The following FUT9 variants were observed in gnomAD, a reference collection of about 807,000 sequenced individuals.
The protein encoded by FUT9 is fucosyltransferase 9, also known as 4-galactosyl-N-acetylglucosaminide 3-alpha-L-fucosyltransferase 9.
FUT9 carries 15 observed loss-of-function variants against 29.7 expected under a neutral mutation model. The observed-to-expected ratio is 0.51, with a 90% CI of 0.34 to 0.78. The LOEUF (loss-of-function observed/expected upper bound fraction) is 0.78, where lower values mean the gene tolerates loss of function less well. Ranked by LOEUF, FUT9 falls within the 30% of genes least tolerant of loss-of-function variation. FUT9 has a pLI of 0.01. For synonymous variants in FUT9, 169 were observed against 153.7 expected, an observed-to-expected ratio of 1.10 and a Z score of -0.74; for missense variants, 319 against 425.4, an observed-to-expected ratio of 0.75 and a Z score of 2.20.
At chr6:96,071,123 TG>T (rs1771051464) in intron 1 of FUT9, among the ~76,000 whole-genome samples, 1 of 152,234 alleles carries the variant, frequency 6.6e-6, no homozygotes, top group African/African-American at 2.4e-5. Context: ...TTGCATTTTA[TG>T]AACAAATTGA....
chr6:96,027,913 A>T (rs1770194614), intron 1 of FUT9, among the ~76,000 whole-genome samples: 1 of 151,474 alleles, frequency 6.6e-6, no homozygotes, highest in Non-Finnish European at 1.5e-5. Context: ...GGTTTTTGTA[A>T]TTTTTTTGTC....
At chr6:96,091,986 C>T (rs912780007) in intron 1 of FUT9, among the ~76,000 whole-genome samples, 1 of 152,042 alleles carries the variant, frequency 6.6e-6, no homozygotes, top group African/African-American at 2.4e-5. Context: ...TTTTAGTATA[C>T]TACTATCAAC....
At chr6:96,085,371 G>T (rs72927948) in intron 1 of FUT9, among the ~76,000 whole-genome samples, 6,446 of 152,228 alleles carry the variant, frequency 0.042, 195 homozygotes, top group South Asian at 0.12. Context: ...TTCTAACTGC[G>T]TCCTTGCATG....
rs892352624 is a variant in FUT9 at position 96,182,942 on chromosome 6, T to G, written c.-8-20206T>G. Among the ~76,000 whole-genome samples the G allele has an allele frequency of 2.0e-5, 3 of 152,192 alleles. No homozygotes were observed. The South Asian group carries it at 6.2e-4, about 32-fold the overall frequency. ...ATGCAGACTCTTTTTTGGATTCATA[T>G]GAATTTTAGGATTTTTTTTCTAGTT... On this transcript the variant is annotated intron_variant, in intron 2 of 2. Transcript: ENST00000302103.
chr6:96,100,734 T>C (rs1453976811), intron 1 of FUT9, among the ~76,000 whole-genome samples: 2 of 152,210 alleles, frequency 1.3e-5, no homozygotes, highest in Non-Finnish European at 2.9e-5. Flanking sequence ...TGTCAGGTAG[T>C]GAGGTACTAC....
chr6:96,095,610 C>T (rs1231929468), intron 1 of FUT9, among the ~76,000 whole-genome samples: 2 of 152,138 alleles, frequency 1.3e-5, no homozygotes, highest in Non-Finnish European at 2.9e-5. Flanking sequence ...TTCTGGTTTG[C>T]TTTGTACATC....
chr6:96,051,303 C>G (rs1020948751), intron 1 of FUT9, among the ~76,000 whole-genome samples: 2 of 151,882 alleles, frequency 1.3e-5, no homozygotes, highest in African/African-American at 4.8e-5. Context: ...TTTTTAAAAA[C>G]TTGATTCTTG....
intron 2 of FUT9, among the ~76,000 whole-genome samples, chr6:96,190,040 G>A (rs1773476709): frequency 6.6e-6 from 1 of 152,096 alleles, no homozygotes; most frequent in Non-Finnish European, 1.5e-5. Flanking sequence ...TGCAGTGGTT[G>A]GTACCGGTTG....
chr6:96,079,301 T>C (rs1388474601), intron 1 of FUT9, among the ~76,000 whole-genome samples: 1 of 152,186 alleles, frequency 6.6e-6, no homozygotes, highest in Non-Finnish European at 1.5e-5. Flanking sequence ...ACACCACAGC[T>C]ATATTGACTA....
chr6:96,211,906 C>A lies in FUT9; in HGVS notation c.*7671C>A, dbSNP rs994958892. ...TTTTCTGAGTTCTCTGGAAACCAAA[C>A]AATTTTGAATTAGTTGTGTAAGTAA... On this transcript the variant is annotated 3_prime_UTR_variant, in exon 3 of 3. Coordinates refer to ENST00000302103, the MANE Select transcript of FUT9 (RefSeq NM_006581.4). 4.9e-6 allele frequency: 2 copies of A among 404,684 alleles called. No individual in the cohort carries two copies. Among genetic ancestry groups the A allele is most frequent in the African/African-American group, 2.1e-5 (1 of 48,388 alleles). The allele number at this position is 404,684 out of a possible 1,614,324, so 25.1% of individuals were successfully genotyped here. A position where few individuals can be genotyped will look rare whatever the true frequency, so the allele number is the denominator to read the frequency against.
At chr6:96,104,234 A>G (rs907441099) in intron 1 of FUT9, among the ~76,000 whole-genome samples, 5 of 152,220 alleles carry the variant, frequency 3.3e-5, no homozygotes, top group African/African-American at 1.2e-4. Flanking sequence ...CCCATTTGCC[A>G]GAGTAGATCA....
intron 2 of FUT9, among the ~76,000 whole-genome samples, chr6:96,129,757 T>G (rs1394277852): frequency 6.6e-6 from 1 of 151,992 alleles, no homozygotes; most frequent in African/African-American, 2.4e-5. Flanking sequence ...TTGAATTATT[T>G]ACATTTTAAT....
intron 2 of FUT9, among the ~76,000 whole-genome samples, chr6:96,170,376 T>A (rs1286963137): frequency 6.6e-6 from 1 of 152,156 alleles, no homozygotes; most frequent in Non-Finnish European, 1.5e-5. Context: ...ATAAATAAGA[T>A]TTAATGTTAA....
chr6:96,169,139 G>A (rs990493157), intron 2 of FUT9, among the ~76,000 whole-genome samples: 2 of 152,170 alleles, frequency 1.3e-5, no homozygotes, highest in Non-Finnish European at 2.9e-5. Context: ...GCCCTACACT[G>A]TCCACTACAG....
At chr6:96,026,592 A>T (rs191991523) in intron 1 of FUT9, among the ~76,000 whole-genome samples, 395 of 151,438 alleles carry the variant, frequency 2.6e-3, no homozygotes, top group Non-Finnish European at 4.4e-3. Context: ...CCATGGCCAT[A>T]ATATTTCTCC....
chr6:96,190,050 G>C (rs186233151), intron 2 of FUT9, among the ~76,000 whole-genome samples: 1 of 152,120 alleles, frequency 6.6e-6, no homozygotes, highest in Non-Finnish European at 1.5e-5. Flanking sequence ...GGTACCGGTT[G>C]TTCCTTTCCA....
intron 1 of FUT9, among the ~76,000 whole-genome samples, chr6:96,052,998 T>G (rs1450758669): frequency 6.6e-6 from 1 of 151,758 alleles, no homozygotes; most frequent in African/African-American, 2.4e-5. Context: ...CATCCAGCCA[T>G]GCACACCACA....
chr6:96,198,881 T>G (rs1397996390), intron 2 of FUT9, among the ~76,000 whole-genome samples: 1 of 152,276 alleles, frequency 6.6e-6, no homozygotes, highest in African/African-American at 2.4e-5. Context: ...ATGGTGAGCA[T>G]TTTTTCATGT....
intron 1 of FUT9, among the ~76,000 whole-genome samples, chr6:96,088,996 G>A (rs952711855): frequency 1.3e-5 from 2 of 149,794 alleles, no homozygotes; most frequent in African/African-American, 5.0e-5. Context: ...GGTAAAATCA[G>A]AGCAGCCTTA....
Sources: gnomAD v4.1 joint callset for allele counts (sites outside exome capture counted in the v4.1 genomes callset) on GRCh38, gnomAD v4.1.1 for gene constraint, MANE v1.5 for transcripts, NCBI Gene and HGNC (gene_info 2026-07-23, HGNC 2026-07-21) for gene names.